PCDH15: variants seen among roughly 807,000 people sequenced by gnomAD.
The protein encoded by PCDH15 is protocadherin-15.
Under a neutral mutation model 178.5 loss-of-function variants are expected in PCDH15, and 129 were observed. That is an observed-to-expected ratio of 0.72 (90% CI 0.63 to 0.84). The LOEUF (loss-of-function observed/expected upper bound fraction) is 0.84. PCDH15 is among the 40% of genes least tolerant of loss of function. The pLI is 0.00. For missense variants in PCDH15, 2,230 were observed against 2,099.9 expected, an observed-to-expected ratio of 1.06 and a Z score of -1.21; for synonymous variants, 800 against 732.0, an observed-to-expected ratio of 1.09 and a Z score of -1.50.
intron 2 of PCDH15, among the ~76,000 whole-genome samples, chr10:54,952,931 A>G (rs1838383104): frequency 6.6e-6 from 1 of 151,696 alleles, no homozygotes; most frequent in South Asian, 2.1e-4. Flanking sequence ...CAATCATATC[A>G]TCTGTGAACA....
chr10:54,682,412 A>C (rs192687074), intron 1 of PCDH15, among the ~76,000 whole-genome samples: 1 of 152,278 alleles, frequency 6.6e-6, no homozygotes, highest in East Asian at 1.9e-4. Flanking sequence ...ACACTGGCAT[A>C]AACTATGTAT....
At chr10:54,761,543 C>T (rs10763143) in intron 1 of PCDH15, among the ~76,000 whole-genome samples, 107,635 of 151,450 alleles carry the variant, frequency 0.71, 38,916 homozygotes, top group East Asian at 0.83. Context: ...ATTAGCCTGG[C>T]GTGGTGATAC....
chr10:55,339,641 G>C (rs981614434), intron 2 of PCDH15, among the ~76,000 whole-genome samples: 1 of 152,000 alleles, frequency 6.6e-6, no homozygotes, highest in Non-Finnish European at 1.5e-5. Context: ...ACACACCCAG[G>C]ACTCTATAAA....
chr10:54,154,871 A>G (rs2133358671), intron 13 of PCDH15, among the ~76,000 whole-genome samples: 1 of 152,304 alleles, frequency 6.6e-6, no homozygotes, highest in South Asian at 2.1e-4. Context: ...ACATATTCCT[A>G]AAGGCAAAGG....
intron 2 of PCDH15, among the ~76,000 whole-genome samples, chr10:55,411,048 TGAA>T (rs1384370545): frequency 2.0e-5 from 3 of 152,086 alleles, no homozygotes; most frequent in Non-Finnish European, 4.4e-5. Flanking sequence ...AAGGTGGAAT[TGAA>T]GAAAGGAAGA....
intron 1 of PCDH15, among the ~76,000 whole-genome samples, chr10:55,249,702 C>T (rs1841784325): frequency 1.3e-5 from 2 of 151,690 alleles, no homozygotes; most frequent in African/African-American, 4.8e-5. Context: ...TCTAATATTT[C>T]CATGTAAAAG....
In PCDH15 at chr10:54,259,997, C is replaced by T. The variant is rs555840906; in HGVS notation, c.877-23066G>A. On this transcript the variant is annotated intron_variant, in intron 8 of 37. Transcript: ENST00000644397. ...TCTGTGGTAGTAACAGGAGCACAGC[C>T]GCTAAATTTATGCCACTAGAAGCAA... Among the ~76,000 whole-genome samples the T allele has an allele frequency of 7.2e-5, 11 of 152,122 alleles. No homozygotes were observed. In the East Asian group the frequency reaches 7.7e-4, roughly 11 times the overall value.
intron 2 of PCDH15, among the ~76,000 whole-genome samples, chr10:55,473,333 T>TA (rs1255950499): frequency 0.024 from 3,452 of 143,406 alleles, 121 homozygotes; most frequent in African/African-American, 0.08. Flanking sequence ...ATAGGGTATA[T>TA]AAAAAAAAAA....
chr10:55,109,372 T>C (rs1461889513), intron 2 of PCDH15, among the ~76,000 whole-genome samples: 1 of 152,192 alleles, frequency 6.6e-6, no homozygotes, highest in Non-Finnish European at 1.5e-5. Context: ...TAAAACTTAT[T>C]ACCCTAAATT....
chr10:54,034,845 G>A lies in PCDH15; in HGVS notation c.2221-11648C>T, dbSNP rs116677489. 2.2e-3 allele frequency among the ~76,000 whole-genome samples: 335 copies of A among 151,886 alleles called. 1 individual carries two copies. Among genetic ancestry groups the A allele is most frequent in the African/African-American group, 7.3e-3 (301 of 41,440 alleles). On this transcript the variant is annotated intron_variant, in intron 18 of 37. Transcript: ENST00000644397. ...TGTCAGTTTGTTTTCTTTAATTGTG[G>A]TGTAAACAGTACTGCTGCTTACCTT...
At chr10:54,939,498 A>C (rs1838004097) in intron 2 of PCDH15, among the ~76,000 whole-genome samples, 1 of 144,990 alleles carries the variant, frequency 6.9e-6, no homozygotes, top group African/African-American at 2.5e-5. Context: ...CCGTCTCAAA[A>C]AAAAAAAAAA....
chr10:55,368,708 G>T (rs1453484310), intron 2 of PCDH15, among the ~76,000 whole-genome samples: 1 of 152,084 alleles, frequency 6.6e-6, no homozygotes, highest in African/African-American at 2.4e-5. Flanking sequence ...TTGGCTGAAA[G>T]CCCTTTAAGT....
intron 1 of PCDH15, among the ~76,000 whole-genome samples, chr10:55,178,733 A>G (rs1839561693): frequency 6.6e-6 from 1 of 152,188 alleles, no homozygotes; most frequent in Admixed American, 6.5e-5. Context: ...CATAAGTGTC[A>G]GTAATTCACC....
At chr10:54,677,831 G>T (rs2094819697) in intron 1 of PCDH15, among the ~76,000 whole-genome samples, 1 of 152,174 alleles carries the variant, frequency 6.6e-6, no homozygotes, top group Admixed American at 6.5e-5. Context: ...ATAGTTTAAA[G>T]CCTTGGGCTT....
At chr10:54,245,014 T>C (rs183179106) in intron 8 of PCDH15, among the ~76,000 whole-genome samples, 356 of 152,270 alleles carry the variant, frequency 2.3e-3, no homozygotes, top group African/African-American at 8.3e-3. Flanking sequence ...TGTGATGACT[T>C]CAATTCATTG....
At chr10:54,804,927 T>TTATATA (rs71014419), upstream of PCDH15, among the ~76,000 whole-genome samples, 3,855 of 50,830 alleles carry the variant, frequency 0.076, 840 homozygotes, top group Middle Eastern at 0.19. Context: ...TCATAGTAGA[T>TTATATA]TATATATATA....
chr10:55,115,091 A>C (rs1285204057), intron 2 of PCDH15, among the ~76,000 whole-genome samples: 1 of 152,204 alleles, frequency 6.6e-6, no homozygotes, highest in African/African-American at 2.4e-5. Flanking sequence ...AGAACCTCAT[A>C]TCTAAATTTC....
intron 25 of PCDH15, among the ~76,000 whole-genome samples, chr10:53,920,824 T>C (rs1227217673): frequency 6.6e-6 from 1 of 152,154 alleles, no homozygotes; most frequent in East Asian, 1.9e-4. Context: ...GTTTGCGAAA[T>C]ATTTCCCTAG....
intron 3 of PCDH15, among the ~76,000 whole-genome samples, chr10:54,847,938 A>G (rs886100709): frequency 2.6e-5 from 4 of 152,202 alleles, no homozygotes; most frequent in Admixed American, 6.5e-5. Context: ...TATACTTTGT[A>G]TGATACAGTA....
Sources: gnomAD v4.1 joint callset for allele counts (sites outside exome capture counted in the v4.1 genomes callset) on GRCh38, gnomAD v4.1.1 for gene constraint, MANE v1.5 for transcripts, NCBI Gene and HGNC (gene_info 2026-07-23, HGNC 2026-07-21) for gene names.